The following PUDP variants were observed in gnomAD, a reference collection of about 807,000 sequenced individuals.
The protein encoded by PUDP is pseudouridine 5'-phosphatase.
A neutral mutation model predicts 9.4 loss-of-function variants in PUDP; 8 were observed. The ratio of observed to expected loss-of-function variants is 0.85; its 90% CI spans 0.50 to 1.53. The LOEUF is 1.53. PUDP is among the 40% of genes most tolerant of loss of function. The pLI, the probability that PUDP is intolerant of heterozygous loss-of-function variation, is 0.00. For missense variants in PUDP, 188 were observed against 189.7 expected (o/e 0.99, Z 0.05); for synonymous variants, 99 against 80.7 (o/e 1.23, Z -1.22).
At chrX:6,777,505 T>C (rs749123994) in intron 3 of PUDP, among the ~76,000 whole-genome samples, 34 of 112,673 alleles carry the variant, frequency 3.0e-4, no homozygotes, top group Non-Finnish European at 2.1e-4. Context: ...GAAGCTTTAC[T>C]ATTCACATAT....
intron 1 of PUDP, among the ~76,000 whole-genome samples, chrX:7,026,330 C>T (rs986436361): frequency 1.6e-4 from 18 of 111,854 alleles, no homozygotes; most frequent in African/African-American, 5.2e-4. Context: ...CCATTCCCTT[C>T]CCTGCTGTCT....
rs1354698836 is a variant in PUDP at position 6,798,510 on chromosome X, T to C, written c.*248-92044A>G. On this transcript the variant is annotated intron_variant and NMD_transcript_variant, in intron 3 of 3. Coordinates refer to the PUDP transcript ENST00000655425. ...TCATTCTCAGATGCCCATGTTCACATTTGGAAAAAAGGGTAAAAGAAAGGT... is the reference window on the plus strand; with the variant it reads ...TCATTCTCAGATGCCCATGTTCACACTTGGAAAAAAGGGTAAAAGAAAGGT... Among the ~76,000 whole-genome samples, 6 of 111,432 alleles carry C rather than the reference T, an allele frequency of 5.4e-5. No individual in the cohort carries two copies. The Admixed American group carries it at 5.7e-4, about 11-fold the overall frequency.
chrX:6,743,059 A>C (rs1199879661), intron 3 of PUDP, among the ~76,000 whole-genome samples: 1 of 112,235 alleles, frequency 8.9e-6, no homozygotes, highest in Non-Finnish European at 1.9e-5. Context: ...AGATGCTTTC[A>C]GTAGGGGAAA....
chrX:7,042,858 C>CT (rs1929940509), intron 1 of PUDP, among the ~76,000 whole-genome samples: 1 of 111,748 alleles, frequency 8.9e-6, no homozygotes, highest in South Asian at 3.8e-4. Context: ...TGTTCTTTCC[C>CT]TTGCTAGCCT....
chrX:6,991,837 A>C (rs1929183309), intron 1 of PUDP, among the ~76,000 whole-genome samples: 1 of 111,504 alleles, frequency 9.0e-6, no homozygotes, highest in African/African-American at 3.2e-5. Context: ...GGAAAAAAGA[A>C]AGAAAAATTT....
At position 6,733,253 on chromosome X, in the gene PUDP, G is replaced by A. The variant is rs1924832666; in HGVS notation, c.*248-26787C>T. Among the ~76,000 whole-genome samples the A allele has an allele frequency of 3.6e-5, 4 of 112,098 alleles. No homozygotes were observed. In the Admixed American group the frequency reaches 3.8e-4, roughly 11 times the overall value. ...GGAAAGGAGCAAGACTTGAGGCAGA[G>A]GAGGGAGCCAGCCAGTCTGCTCGGG... On this transcript the variant is annotated intron_variant and NMD_transcript_variant, in intron 3 of 3. Coordinates refer to the PUDP transcript ENST00000655425.
At chrX:7,027,076 T>A (rs1184650609) in intron 1 of PUDP, among the ~76,000 whole-genome samples, 1 of 111,650 alleles carries the variant, frequency 9.0e-6, no homozygotes, top group Non-Finnish European at 1.9e-5. Flanking sequence ...AAACCTCTCA[T>A]TGCATTCCCT....
chrX:6,750,313 T>C (rs1925052295), intron 3 of PUDP, among the ~76,000 whole-genome samples: 2 of 112,155 alleles, frequency 1.8e-5, no homozygotes, highest in African/African-American at 6.5e-5. Context: ...ATTCAGCACC[T>C]AGTAGCATTT....
At chrX:6,722,743 A>G (rs1330380189), upstream of PUDP, among the ~76,000 whole-genome samples, 1 of 112,085 alleles carries the variant, frequency 8.9e-6, no homozygotes, top group East Asian at 2.8e-4. Context: ...AGGAAACAGA[A>G]GACTTAGAAC....
At chrX:6,729,831 C>T (rs966429457) in intron 3 of PUDP, among the ~76,000 whole-genome samples, 1 of 111,564 alleles carries the variant, frequency 9.0e-6, no homozygotes, top group Non-Finnish European at 1.9e-5. Context: ...TTTACCCTCT[C>T]TCTCTTACGT....
chrX:7,070,239 T>C (rs1930687189), intron 3 of PUDP, among the ~76,000 whole-genome samples: 1 of 111,941 alleles, frequency 8.9e-6, no homozygotes. Context: ...ACAGTAACCG[T>C]GAAGGTCCTT....
chrX:6,771,618 C>T (rs1270930758), intron 3 of PUDP, among the ~76,000 whole-genome samples: 2 of 112,254 alleles, frequency 1.8e-5, no homozygotes, highest in African/African-American at 6.5e-5. Context: ...TCAATAGTTA[C>T]TTGTTGGCTT....
intron 3 of PUDP, among the ~76,000 whole-genome samples, chrX:6,779,093 C>G (rs1925515364): frequency 8.9e-6 from 1 of 112,056 alleles, no homozygotes; most frequent in Admixed American, 9.4e-5. Flanking sequence ...ATTTTTAGCA[C>G]AGGCAATGAG....
chrX:6,753,298 T>G (rs181693165), intron 3 of PUDP, among the ~76,000 whole-genome samples: 95 of 112,704 alleles, frequency 8.4e-4, no homozygotes, highest in African/African-American at 2.9e-3. Flanking sequence ...CAAATGCTAT[T>G]AATTCAATCC....
At chrX:6,970,919 C>T (rs1194632382) in intron 3 of PUDP, among the ~76,000 whole-genome samples, 3 of 110,573 alleles carry the variant, frequency 2.7e-5, no homozygotes, top group Admixed American at 9.6e-5. Flanking sequence ...GGCGTGGTAG[C>T]AGGTGCCTGT....
intron 3 of PUDP, among the ~76,000 whole-genome samples, chrX:6,801,388 A>C (rs1925930379): frequency 8.9e-6 from 1 of 112,199 alleles, no homozygotes; most frequent in Admixed American, 9.5e-5. Context: ...AAACTACGTG[A>C]AATACAGTGT....
intron 3 of PUDP, among the ~76,000 whole-genome samples, chrX:6,815,961 A>G (rs1602631508): frequency 9.4e-6 from 1 of 106,360 alleles, no homozygotes; most frequent in East Asian, 2.9e-4. Context: ...TATACACACT[A>G]TATTATATAT....
intron 1 of PUDP, among the ~76,000 whole-genome samples, chrX:7,147,495 G>C (rs1456744854): frequency 8.9e-6 from 1 of 111,822 alleles, no homozygotes; most frequent in Non-Finnish European, 1.9e-5. Flanking sequence ...TCCTGACATC[G>C]CCATTGCCAG....
At chrX:6,843,235 G>C (rs1385707528) in intron 3 of PUDP, among the ~76,000 whole-genome samples, 1 of 112,254 alleles carries the variant, frequency 8.9e-6, no homozygotes, top group Non-Finnish European at 1.9e-5. Flanking sequence ...CTAATGAATG[G>C]ACTTTATCCT....
Sources: gnomAD v4.1 joint callset for allele counts (sites outside exome capture counted in the v4.1 genomes callset) on GRCh38, gnomAD v4.1.1 for gene constraint, MANE v1.5 for transcripts, NCBI Gene and HGNC (gene_info 2026-07-23, HGNC 2026-07-21) for gene names.